The following PCED1B variants were observed in gnomAD, a reference collection of about 807,000 sequenced individuals.
PCED1B encodes the protein PC-esterase domain-containing protein 1B.
For synonymous variants in PCED1B, 251 were observed against 246.1 expected, an observed-to-expected ratio of 1.02 and a Z score of -0.19; for missense variants, 573 against 573.9, an observed-to-expected ratio of 1.00 and a Z score of 0.02.
chr12:47,101,208 A>G (rs1456694891), intron 1 of PCED1B, among the ~76,000 whole-genome samples: 1 of 152,164 alleles, frequency 6.6e-6, no homozygotes, highest in African/African-American at 2.4e-5. Flanking sequence ...TTTTATTATT[A>G]TTATCTATAC....
chr12:47,112,727 A>G (rs1214466333), intron 2 of PCED1B, among the ~76,000 whole-genome samples: 1 of 152,232 alleles, frequency 6.6e-6, no homozygotes, highest in African/African-American at 2.4e-5. Context: ...CAGTGTTTGT[A>G]ATAGACATAG....
chr12:47,169,118 C>A (rs1279449360), intron 2 of PCED1B, among the ~76,000 whole-genome samples: 1 of 152,126 alleles, frequency 6.6e-6, no homozygotes, highest in African/African-American at 2.4e-5. Context: ...TTTTACATAA[C>A]ACAGAAGTGG....
intron 2 of PCED1B, among the ~76,000 whole-genome samples, chr12:47,195,318 G>A (rs1449631208): frequency 4.4e-5 from 6 of 136,966 alleles, no homozygotes. Context: ...GATGGAGCGA[G>A]TCTCTGTCTC....
intron 1 of PCED1B, among the ~76,000 whole-genome samples, chr12:47,103,805 A>G (rs1938825779): frequency 6.6e-6 from 1 of 152,224 alleles, no homozygotes; most frequent in South Asian, 2.1e-4. Context: ...CAGGTAAGTT[A>G]AAGGAGCTTT....
At chr12:47,163,931 C>T (rs1941465866) in intron 2 of PCED1B, among the ~76,000 whole-genome samples, 1 of 152,154 alleles carries the variant, frequency 6.6e-6, no homozygotes, top group Non-Finnish European at 1.5e-5. Flanking sequence ...GCAAAACCCT[C>T]TACTGTAACA....
intron 1 of PCED1B, among the ~76,000 whole-genome samples, chr12:47,103,052 C>G (rs1471219036): frequency 6.6e-6 from 1 of 151,864 alleles, no homozygotes; most frequent in East Asian, 1.9e-4. Context: ...GACACATACT[C>G]GGTGGAGTAT....
chr12:47,137,144 G>C (rs1183964266), intron 2 of PCED1B, among the ~76,000 whole-genome samples: 2 of 152,192 alleles, frequency 1.3e-5, no homozygotes, highest in African/African-American at 4.8e-5. Context: ...CATTCTCCAG[G>C]TTGTGAAAGG....
chr12:47,117,373 G>T (rs997644951), intron 2 of PCED1B, among the ~76,000 whole-genome samples: 1 of 151,984 alleles, frequency 6.6e-6, no homozygotes, highest in Non-Finnish European at 1.5e-5. Flanking sequence ...ACAGGCCCCA[G>T]TGTGTGATGT....
intron 3 of PCED1B, among the ~76,000 whole-genome samples, chr12:47,221,210 T>C (rs971105622): frequency 1.3e-5 from 2 of 152,038 alleles, no homozygotes; most frequent in Non-Finnish European, 2.9e-5. Context: ...ACCATAAAAC[T>C]GAAAACAAAT....
At chr12:47,098,178 C>G (rs568926314) in intron 1 of PCED1B, among the ~76,000 whole-genome samples, 1 of 152,188 alleles carries the variant, frequency 6.6e-6, no homozygotes, top group Non-Finnish European at 1.5e-5. Context: ...CCATGTCTGC[C>G]TTGCCCCACT....
At chr12:47,174,479 G>A (rs1215507597) in intron 2 of PCED1B, among the ~76,000 whole-genome samples, 1 of 151,478 alleles carries the variant, frequency 6.6e-6, no homozygotes, top group Non-Finnish European at 1.5e-5. Context: ...AATGTTAGGG[G>A]AATCAAATTA....
At chr12:47,229,651 G>C (rs150153660) in intron 3 of PCED1B, among the ~76,000 whole-genome samples, 253 of 152,248 alleles carry the variant, frequency 1.7e-3, no homozygotes, top group African/African-American at 5.3e-3. Context: ...TGTGTGCATT[G>C]AACCATCAGA....
At chr12:47,185,195 T>G (rs961304299) in intron 2 of PCED1B, among the ~76,000 whole-genome samples, 1 of 152,136 alleles carries the variant, frequency 6.6e-6, no homozygotes, top group African/African-American at 2.4e-5. Flanking sequence ...TACCTGCAAA[T>G]GTGGCCTTAT....
chr12:47,112,812 C>T (rs1939256049), intron 2 of PCED1B, among the ~76,000 whole-genome samples: 1 of 152,164 alleles, frequency 6.6e-6, no homozygotes. Flanking sequence ...TGGGATTATT[C>T]AAGTGCTTCC....
chr12:47,224,508 G>A (rs190050624), intron 3 of PCED1B, among the ~76,000 whole-genome samples: 4 of 152,296 alleles, frequency 2.6e-5, no homozygotes, highest in African/African-American at 7.2e-5. Flanking sequence ...ATTGTGGCCT[G>A]GTAGGGATGA....
intron 2 of PCED1B, among the ~76,000 whole-genome samples, chr12:47,145,231 A>G (rs544025795): frequency 3.3e-5 from 5 of 152,368 alleles, no homozygotes; most frequent in East Asian, 1.9e-4. Context: ...CTTTAATTCT[A>G]TGAAGACTGA....
Position 47,107,493 on chromosome 12 carries a change from C to T in PCED1B, c.-526+3298C>T, listed in dbSNP as rs149172749. Among the ~76,000 whole-genome samples, 7 of 152,332 alleles carry T rather than the reference C, an allele frequency of 4.6e-5. No homozygotes were observed. In the East Asian group the frequency reaches 1.3e-3, roughly 29 times the overall value. ...GGGGTGAACATGTTGAGATTGTGAC[C>T]ATTTTCCCAGAAGAAGCAGAAAGTA... On this transcript the variant is annotated intron_variant, in intron 2 of 3. Coordinates refer to ENST00000546455, the MANE Select transcript of PCED1B (RefSeq NM_138371.3).
chr12:47,234,614 T>C (rs887328674), intron 3 of PCED1B, among the ~76,000 whole-genome samples: 2 of 152,190 alleles, frequency 1.3e-5, no homozygotes, highest in African/African-American at 4.8e-5. Context: ...AACAGTGGCA[T>C]AGCGCTAACC....
intron 2 of PCED1B, among the ~76,000 whole-genome samples, chr12:47,146,302 T>A (rs1271733686): frequency 6.6e-6 from 1 of 152,222 alleles, no homozygotes; most frequent in African/African-American, 2.4e-5. Context: ...AATCTACTCC[T>A]GGTGAAGATG....
Sources: gnomAD v4.1 joint callset for allele counts (sites outside exome capture counted in the v4.1 genomes callset) on GRCh38, gnomAD v4.1.1 for gene constraint, MANE v1.5 for transcripts, NCBI Gene and HGNC (gene_info 2026-07-23, HGNC 2026-07-21) for gene names.